CNTNAP5: variants seen among roughly 807,000 people sequenced by gnomAD.
CNTNAP5 encodes the protein contactin associated protein family member 5.
CNTNAP5 carries 72 observed loss-of-function variants against 150.2 expected under a neutral mutation model. That is an observed-to-expected ratio of 0.48 (90% confidence interval 0.40 to 0.58). The LOEUF (loss-of-function observed/expected upper bound fraction) is 0.58. Among genes scored for constraint, CNTNAP5 ranks in the 20% least tolerant of loss-of-function variants. CNTNAP5 has a pLI of 0.00. For synonymous variants in CNTNAP5, 672 were observed against 619.8 expected (o/e 1.08, Z -1.25); for missense variants, 1,636 against 1,626.2 (o/e 1.01, Z -0.10).
rs950461596 is a variant in CNTNAP5 at position 124,919,023 on chromosome 2, G to A, written c.*4735G>A. 2.0e-5 allele frequency among the ~76,000 whole-genome samples: 3 copies of A among 151,922 alleles called. No homozygotes were observed. The highest frequency in any genetic ancestry group is 7.3e-5 in the African/African-American group (3 of 41,360). ...CTTTTATCCCCTCTTTCATAGTCTT[G>A]TTTGTGGAACCATCTACTCTGCAGA... On this transcript the variant is annotated 3_prime_UTR_variant, in exon 24 of 24. Coordinates refer to ENST00000682447, the MANE Select transcript of CNTNAP5 (RefSeq NM_001367498.1).
chr2:124,443,798 G>C (rs899160009), intron 5 of CNTNAP5, among the ~76,000 whole-genome samples: 2 of 144,286 alleles, frequency 1.4e-5, no homozygotes, highest in Middle Eastern at 3.5e-3. Context: ...TTGGGGAAAG[G>C]GTGTAATTCC....
intron 19 of CNTNAP5, among the ~76,000 whole-genome samples, chr2:124,802,895 C>T (rs1044370791): frequency 1.3e-5 from 2 of 152,092 alleles, no homozygotes; most frequent in East Asian, 3.9e-4. Context: ...GAGGCCGAGG[C>T]TGGCAGATCA....
At chr2:124,087,326 A>G (rs925415895) in intron 1 of CNTNAP5, among the ~76,000 whole-genome samples, 1 of 151,622 alleles carries the variant, frequency 6.6e-6, no homozygotes, top group South Asian at 2.1e-4. Context: ...TTTTCTTTCT[A>G]TTTAGATAAT....
intron 1 of CNTNAP5, among the ~76,000 whole-genome samples, chr2:124,034,625 G>A (rs1314631485): frequency 3.3e-5 from 5 of 152,172 alleles, no homozygotes; most frequent in Non-Finnish European, 5.9e-5. Flanking sequence ...CCATAAGAGT[G>A]GGGGAAACAA....
rs541050489 is a variant in CNTNAP5 at position 124,915,405 on chromosome 2, T to C, written c.*1117T>C. On this transcript the variant is annotated 3_prime_UTR_variant, in exon 24 of 24. Transcript: ENST00000682447. The stretch of plus-strand genomic sequence containing the variant: ...AAAGAAGAAAAATACCAAACAGAAT[T>C]CTTCCCTTCCATTCACTCACTAAAG... 6.0e-6 allele frequency: 1 copy of C among 166,542 alleles called. No homozygotes were observed. Among genetic ancestry groups the C allele is most frequent in the Non-Finnish European group, 1.5e-5 (1 of 68,038 alleles). The allele number at this position is 166,542 out of a possible 1,614,324, so 10.3% of individuals were successfully genotyped here. A position where few individuals can be genotyped will look rare whatever the true frequency, so the allele number is the denominator to read the frequency against.
At chr2:124,152,008 T>G (rs999849359) in intron 1 of CNTNAP5, among the ~76,000 whole-genome samples, 5 of 152,180 alleles carry the variant, frequency 3.3e-5, no homozygotes, top group African/African-American at 1.2e-4. Context: ...CTGAAATACA[T>G]TAACACGCAC....
chr2:124,238,476 T>C (rs1321907824), intron 2 of CNTNAP5, among the ~76,000 whole-genome samples: 5 of 152,168 alleles, frequency 3.3e-5, no homozygotes, highest in Admixed American at 3.3e-4. Context: ...AACTAAGACA[T>C]AGCCTCCAAA....
intron 19 of CNTNAP5, among the ~76,000 whole-genome samples, chr2:124,858,477 C>T (rs1265537356): frequency 2.0e-5 from 3 of 152,116 alleles, no homozygotes; most frequent in African/African-American, 7.2e-5. Context: ...AATAAAATAC[C>T]TAGGAATCCA....
At chr2:124,063,342 C>T (rs978897304) in intron 1 of CNTNAP5, among the ~76,000 whole-genome samples, 24 of 152,120 alleles carry the variant, frequency 1.6e-4, no homozygotes, top group Non-Finnish European at 3.1e-4. Flanking sequence ...CTACGTGCCA[C>T]TTTCCTCTTT....
chr2:124,510,259 A>C (rs898123666), intron 8 of CNTNAP5, among the ~76,000 whole-genome samples: 6 of 127,388 alleles, frequency 4.7e-5, no homozygotes, highest in African/African-American at 9.2e-5. Context: ...ATCTATATCT[A>C]TATATCTATA....
At chr2:124,682,118 C>A (rs1414928896) in intron 13 of CNTNAP5, among the ~76,000 whole-genome samples, 1 of 152,182 alleles carries the variant, frequency 6.6e-6, no homozygotes, top group African/African-American at 2.4e-5. Context: ...TTGGTGCTCT[C>A]TTCTTTCCGA....
At chr2:124,445,701 T>C (rs1692796352) in intron 5 of CNTNAP5, among the ~76,000 whole-genome samples, 1 of 152,172 alleles carries the variant, frequency 6.6e-6, no homozygotes, top group Non-Finnish European at 1.5e-5. Flanking sequence ...GTCACACGGT[T>C]GAACAGGCTG....
chr2:124,726,692 T>C (rs901939528), intron 13 of CNTNAP5, among the ~76,000 whole-genome samples: 1 of 152,070 alleles, frequency 6.6e-6, no homozygotes, highest in Non-Finnish European at 1.5e-5. Context: ...TATTTATTGC[T>C]ATTGAGTTGT....
intron 1 of CNTNAP5, among the ~76,000 whole-genome samples, chr2:124,123,109 T>C (rs1428954628): frequency 1.3e-5 from 2 of 151,950 alleles, no homozygotes; most frequent in African/African-American, 2.4e-5. Flanking sequence ...AGGCATCACC[T>C]CACCCAGGAA....
intron 3 of CNTNAP5, among the ~76,000 whole-genome samples, chr2:124,254,611 A>G (rs954631947): frequency 2.6e-5 from 4 of 152,214 alleles, no homozygotes; most frequent in Admixed American, 6.5e-5. Context: ...ATTTTAAGCC[A>G]CTGGCATTTT....
chr2:124,472,769 A>G (rs188625850), intron 6 of CNTNAP5, among the ~76,000 whole-genome samples: 59 of 151,998 alleles, frequency 3.9e-4, no homozygotes, highest in African/African-American at 1.4e-3. Flanking sequence ...TTTGAAATAT[A>G]TATGCCTCAA....
rs1696815895 is a variant in CNTNAP5 at position 124,595,850 on chromosome 2, TC to T, written c.1757-13949del. ...TGGTCTATTCAGAGATTCAACTTCT[TC>T]CTGGTTTAGTCTTGGGAGAGTGTAT... On this transcript the variant is annotated intron_variant, in intron 11 of 23. Transcript: ENST00000682447. 3.6e-5 allele frequency among the ~76,000 whole-genome samples: 5 copies of T among 137,330 alleles called. No homozygotes were observed. The South Asian group carries it at 1.1e-3, about 29-fold the overall frequency. 90.1% of individuals were successfully genotyped at this position (137,330 alleles called of 152,430 possible).
chr2:124,592,845 T>G (rs187833059), intron 11 of CNTNAP5, among the ~76,000 whole-genome samples: 42 of 152,160 alleles, frequency 2.8e-4, no homozygotes, highest in African/African-American at 9.9e-4. Context: ...AAAAGTATAT[T>G]AGAAATGTTA....
intron 19 of CNTNAP5, among the ~76,000 whole-genome samples, chr2:124,816,911 A>G (rs564546383): frequency 1.3e-5 from 2 of 152,318 alleles, no homozygotes; most frequent in Non-Finnish European, 2.9e-5. Flanking sequence ...ATGATATCAC[A>G]TCATCGTTGC....
Sources: gnomAD v4.1 joint callset for allele counts (sites outside exome capture counted in the v4.1 genomes callset) on GRCh38, gnomAD v4.1.1 for gene constraint, MANE v1.5 for transcripts, NCBI Gene and HGNC (gene_info 2026-07-23, HGNC 2026-07-21) for gene names.